LDLRAD4: variants seen among roughly 807,000 people sequenced by gnomAD.
The protein encoded by LDLRAD4 is low-density lipoprotein receptor class A domain-containing protein 4.
A neutral mutation model predicts 17.0 loss-of-function variants in LDLRAD4; 5 were observed. The observed-to-expected ratio is 0.29, with a 90% CI of 0.15 to 0.62. The LOEUF is 0.62. LDLRAD4 is among the 20% of genes least tolerant of loss of function. The pLI is 0.84. For synonymous variants in LDLRAD4, 168 were observed against 171.8 expected, an observed-to-expected ratio of 0.98 and a Z score of 0.17; for missense variants, 340 against 424.7, an observed-to-expected ratio of 0.80 and a Z score of 1.75.
At chr18:13,594,665 C>CAAAAA (rs56035558) in intron 3 of LDLRAD4, among the ~76,000 whole-genome samples, 20 of 29,528 alleles carry the variant, frequency 6.8e-4, no homozygotes, top group South Asian at 2.0e-3. Context: ...GATTCCATCT[C>CAAAAA]AAAAAAAAAA....
chr18:13,507,632 T>C (rs1023306045), intron 3 of LDLRAD4, among the ~76,000 whole-genome samples: 5 of 152,200 alleles, frequency 3.3e-5, no homozygotes, highest in African/African-American at 9.7e-5. Context: ...CATGCATGCA[T>C]ATGTGATACA....
At chr18:13,474,351 C>G (rs916482129) in intron 3 of LDLRAD4, among the ~76,000 whole-genome samples, 2 of 150,784 alleles carry the variant, frequency 1.3e-5, no homozygotes, top group Non-Finnish European at 3.0e-5. Flanking sequence ...TGCACATTTC[C>G]TAGGTCAGCC....
intron 3 of LDLRAD4, chr18:13,562,735 T>C (rs752231606): frequency 6.6e-6 from 1 of 152,250 alleles, no homozygotes. Context: ...TAAAAAAATA[T>C]CCAGTGAAGG....
chr18:13,343,770 T>C (rs1183534852), intron 1 of LDLRAD4, among the ~76,000 whole-genome samples: 1 of 152,234 alleles, frequency 6.6e-6, no homozygotes, highest in East Asian at 1.9e-4. Flanking sequence ...TTAATGATCA[T>C]CATTCTAACT....
upstream of LDLRAD4, chr18:13,217,822 G>A (rs2145257127): frequency 6.6e-6 from 1 of 151,732 alleles, no homozygotes; most frequent in African/African-American, 2.4e-5. The surrounding 1 kb of genome is among the most constrained non-coding windows in gnomAD (Gnocchi z 4.9). Flanking sequence ...CGGCCGGCCG[G>A]GGATCCCCTG....
At chr18:13,608,747 G>A (rs1450898441) in intron 3 of LDLRAD4, among the ~76,000 whole-genome samples, 1 of 152,208 alleles carries the variant, frequency 6.6e-6, no homozygotes, top group Non-Finnish European at 1.5e-5. Flanking sequence ...AACCTGAGAC[G>A]AGCTCAGCCA....
intron 1 of LDLRAD4, among the ~76,000 whole-genome samples, chr18:13,343,936 T>C (rs185281095): frequency 2.6e-5 from 4 of 152,232 alleles, no homozygotes; most frequent in Non-Finnish European, 4.4e-5. Flanking sequence ...GTTATTTGTT[T>C]TTTTCTTGTA....
intron 3 of LDLRAD4, among the ~76,000 whole-genome samples, chr18:13,467,238 A>G (rs902749650): frequency 7.2e-5 from 11 of 152,262 alleles, no homozygotes; most frequent in Admixed American, 6.5e-4. Flanking sequence ...GATCTTATGT[A>G]TAGAGTATCT....
intron 1 of LDLRAD4, among the ~76,000 whole-genome samples, chr18:13,230,065 G>A (rs1328448193): frequency 6.6e-6 from 1 of 152,196 alleles, no homozygotes; most frequent in Non-Finnish European, 1.5e-5. Flanking sequence ...TTCTAGGAGG[G>A]GATTAGGTCA....
intron 3 of LDLRAD4, among the ~76,000 whole-genome samples, chr18:13,502,510 G>T (rs1167988386): frequency 2.0e-5 from 3 of 152,200 alleles, no homozygotes; most frequent in Admixed American, 2.0e-4. Context: ...TGTGTGCTGA[G>T]CTCGTAAGTG....
intron 3 of LDLRAD4, among the ~76,000 whole-genome samples, chr18:13,463,512 A>G (rs534951993): frequency 3.3e-5 from 5 of 152,268 alleles, no homozygotes; most frequent in Non-Finnish European, 7.3e-5. Flanking sequence ...AGTTGTTAAC[A>G]CATATTCTCA....
chr18:13,572,876 C>T (rs1038618460), intron 3 of LDLRAD4, among the ~76,000 whole-genome samples: 3 of 152,174 alleles, frequency 2.0e-5, no homozygotes, highest in Admixed American at 6.5e-5. Context: ...TGTCCCTTCC[C>T]GATAGCAGCA....
chr18:13,624,503 T>C (rs189269951), intron 4 of LDLRAD4, among the ~76,000 whole-genome samples: 2 of 152,310 alleles, frequency 1.3e-5, no homozygotes, highest in African/African-American at 4.8e-5. Context: ...AAGACCCCGC[T>C]GCCATTCTCT....
chr18:13,387,565 G>A lies in LDLRAD4; in HGVS notation c.-158G>A, dbSNP rs901088777. On this transcript the variant is annotated 5_prime_UTR_variant, in exon 2 of 6. Transcript: ENST00000359446. ...CCACACCCAGGTACCGCCCGCCCGC[G>A]CGAGAGCCGGGCAGGTGGGCCGCGG... 6 of 669,564 alleles carry A rather than the reference G, an allele frequency of 9.0e-6. No homozygotes were observed. The South Asian group carries it at 1.0e-4, about 11-fold the overall frequency. 41.5% of individuals were successfully genotyped at this position (669,564 alleles called of 1,614,324 possible).
At chr18:13,366,182 TGCTGCCTTG>T (rs1190435275) in intron 1 of LDLRAD4, 2 of 152,260 alleles carry the variant, frequency 1.3e-5, no homozygotes, top group Non-Finnish European at 2.9e-5. Context: ...CAAATGATCC[TGCTGCCTTG>T]GCCTCCCAAA....
At chr18:13,639,745 AG>A (rs1286584075) in intron 4 of LDLRAD4, among the ~76,000 whole-genome samples, 1 of 152,190 alleles carries the variant, frequency 6.6e-6, no homozygotes, top group Non-Finnish European at 1.5e-5. Flanking sequence ...TGGGAAAAAA[AG>A]TTTCCTATAA....
At chr18:13,238,821 G>A (rs1475655523) in intron 1 of LDLRAD4, among the ~76,000 whole-genome samples, 1 of 152,162 alleles carries the variant, frequency 6.6e-6, no homozygotes, top group African/African-American at 2.4e-5. Context: ...TCACTGAGAT[G>A]CCTCCTGCTC....
At chr18:13,442,473 G>C (rs779590221) in intron 3 of LDLRAD4, among the ~76,000 whole-genome samples, 1 of 152,208 alleles carries the variant, frequency 6.6e-6, no homozygotes, top group African/African-American at 2.4e-5. Flanking sequence ...TGAGGGTGGC[G>C]CTGTCTTGGG....
At chr18:13,465,975 G>A (rs1029660922) in intron 3 of LDLRAD4, among the ~76,000 whole-genome samples, 5 of 152,116 alleles carry the variant, frequency 3.3e-5, no homozygotes, top group Admixed American at 6.5e-5. Flanking sequence ...TCCTCTCAGA[G>A]TGTTACTCCA....
Sources: gnomAD v4.1 joint callset for allele counts (sites outside exome capture counted in the v4.1 genomes callset) on GRCh38, gnomAD v4.1.1 for gene constraint, Gnocchi (gnomAD v3.1) non-coding constraint, MANE v1.5 for transcripts, NCBI Gene and HGNC (gene_info 2026-07-23, HGNC 2026-07-21) for gene names.